The following GRM5 variants were observed in gnomAD, a reference collection of about 807,000 sequenced individuals.
GRM5 encodes metabotropic glutamate receptor 5.
Under a neutral mutation model 83.1 loss-of-function variants are expected in GRM5, and 19 were observed. That is an observed-to-expected ratio of 0.23 (90% CI 0.16 to 0.34). GRM5 has a LOEUF of 0.34. Among genes scored for constraint, GRM5 ranks in the 10% least tolerant of loss-of-function variants. The pLI, the probability that GRM5 is intolerant of heterozygous loss-of-function variation, is 1.00. For missense variants in GRM5, 1,160 were observed against 1,588.3 expected, an observed-to-expected ratio of 0.73 and a Z score of 4.58; for synonymous variants, 675 against 633.6, an observed-to-expected ratio of 1.07 and a Z score of -0.98.
intron 3 of GRM5, among the ~76,000 whole-genome samples, chr11:88,832,014 T>C (rs1944004322): frequency 6.6e-6 from 1 of 152,226 alleles, no homozygotes; most frequent in African/African-American, 2.4e-5. Context: ...TCTCAGTGGA[T>C]GTTCCTGTCT....
intron 2 of GRM5, among the ~76,000 whole-genome samples, chr11:89,016,086 C>G (rs565284216): frequency 8.6e-5 from 13 of 151,892 alleles, no homozygotes; most frequent in African/African-American, 2.9e-4. Context: ...ACACTAGATT[C>G]AAAAATTTAT....
rs1400778866 is a variant in GRM5, at chr11:88,517,094, CT to C, written c.2727-7591del. On this transcript the variant is annotated intron_variant, in intron 9 of 9. Coordinates refer to ENST00000305447, the MANE Select transcript of GRM5 (RefSeq NM_001143831.3). ...TACAGCTATTCCTGATTAATGTTTA[CT>C]TTTTTCTTACAATTGTAATATATTG... 9.7e-4 allele frequency among the ~76,000 whole-genome samples: 146 copies of C among 150,480 alleles called. 1 individual carries two copies. The highest frequency in any genetic ancestry group is 3.3e-3 in the African/African-American group (137 of 40,948).
intron 2 of GRM5, chr11:88,912,050 A>G: frequency 2.1e-6 from 1 of 468,090 alleles, no homozygotes; most frequent in South Asian, 1.6e-5. Context: ...ATTGTACAAT[A>G]CTGTAAGTAT....
At chr11:88,692,346 C>G (rs1372104477) in intron 3 of GRM5, among the ~76,000 whole-genome samples, 1 of 152,140 alleles carries the variant, frequency 6.6e-6, no homozygotes, top group Non-Finnish European at 1.5e-5. Flanking sequence ...CCAATAAAAG[C>G]TTATTGAATG....
At chr11:88,952,969 A>T (rs981244716) in intron 2 of GRM5, among the ~76,000 whole-genome samples, 2 of 152,172 alleles carry the variant, frequency 1.3e-5, no homozygotes, top group Admixed American at 1.3e-4. Context: ...ATAATGGAGG[A>T]TTTTCCCCTC....
At chr11:89,011,342 T>C (rs1226444575) in intron 2 of GRM5, among the ~76,000 whole-genome samples, 2 of 152,168 alleles carry the variant, frequency 1.3e-5, no homozygotes, top group Admixed American at 6.5e-5. Context: ...TAAGAAACAA[T>C]TTTAAAACAA....
At chr11:88,901,828 G>A (rs181273070) in intron 2 of GRM5, among the ~76,000 whole-genome samples, 3 of 152,080 alleles carry the variant, frequency 2.0e-5, no homozygotes, top group African/African-American at 4.8e-5. Flanking sequence ...CATTTTTGAC[G>A]ATACCTTTTC....
chr11:88,517,131 AC>A (rs1941542300), intron 9 of GRM5, among the ~76,000 whole-genome samples: 1 of 45,358 alleles, frequency 2.2e-5, no homozygotes, highest in Admixed American at 2.5e-4. Flanking sequence ...GCTTCTGTAC[AC>A]ACACACACAC....
intron 3 of GRM5, among the ~76,000 whole-genome samples, chr11:88,800,181 G>A (rs1943361052): frequency 6.6e-6 from 1 of 152,118 alleles, no homozygotes; most frequent in Non-Finnish European, 1.5e-5. Context: ...CACAGATGAA[G>A]AAATTGAGGC....
intron 2 of GRM5, among the ~76,000 whole-genome samples, chr11:88,938,103 C>T (rs947744992): frequency 6.6e-6 from 1 of 151,658 alleles, no homozygotes; most frequent in African/African-American, 2.4e-5. Flanking sequence ...TGTCAATTAA[C>T]TTGATTTATT....
chr11:88,875,276 C>A (rs117698513), intron 2 of GRM5, among the ~76,000 whole-genome samples: 2 of 151,900 alleles, frequency 1.3e-5, no homozygotes. Flanking sequence ...GTAGCAGATT[C>A]CATCTCAAAA....
At chr11:88,667,029 GA>G (rs1940062047) in intron 3 of GRM5, among the ~76,000 whole-genome samples, 1 of 152,088 alleles carries the variant, frequency 6.6e-6, no homozygotes, top group Non-Finnish European at 1.5e-5. Context: ...ATATTCAAGA[GA>G]ATAGATGAAA....
chr11:88,627,087 A>G (rs1405779241), intron 4 of GRM5, among the ~76,000 whole-genome samples: 1 of 152,234 alleles, frequency 6.6e-6, no homozygotes, highest in African/African-American at 2.4e-5. Flanking sequence ...TTCTCATAAT[A>G]TCTCTATCTG....
At chr11:88,972,905 G>A (rs1939211296) in intron 2 of GRM5, among the ~76,000 whole-genome samples, 1 of 152,086 alleles carries the variant, frequency 6.6e-6, no homozygotes, top group African/African-American at 2.4e-5. Context: ...CATCACTTCT[G>A]TGGTATTCTT....
intron 3 of GRM5, among the ~76,000 whole-genome samples, chr11:88,836,191 T>G (rs1045815625): frequency 6.6e-6 from 1 of 152,208 alleles, no homozygotes; most frequent in Admixed American, 6.5e-5. Context: ...AAGGGTCAGA[T>G]AGTAAATATT....
chr11:88,801,019 T>C (rs551610189), intron 3 of GRM5, among the ~76,000 whole-genome samples: 1 of 152,180 alleles, frequency 6.6e-6, no homozygotes, highest in Non-Finnish European at 1.5e-5. Context: ...AAATGCTATA[T>C]GCTTCAGGTA....
intron 1 of GRM5, among the ~76,000 whole-genome samples, chr11:89,056,648 G>GTATCTA (rs1941881080): frequency 6.6e-6 from 1 of 152,092 alleles, no homozygotes; most frequent in Non-Finnish European, 1.5e-5. Flanking sequence ...AAATAAAGGG[G>GTATCTA]CAGGTTTATC....
chr11:88,536,568 G>A (rs1255049315), intron 8 of GRM5, among the ~76,000 whole-genome samples: 1 of 152,136 alleles, frequency 6.6e-6, no homozygotes, highest in Non-Finnish European at 1.5e-5. Flanking sequence ...CCAACACAAA[G>A]CTTTATAACA....
At chr11:88,804,057 G>A (rs2135489698) in intron 3 of GRM5, among the ~76,000 whole-genome samples, 1 of 152,186 alleles carries the variant, frequency 6.6e-6, no homozygotes, top group Non-Finnish European at 1.5e-5. Flanking sequence ...AGAGGATGTG[G>A]AGAAATAGGA....
Sources: allele counts gnomAD v4.1 joint callset (sites outside exome capture counted in the v4.1 genomes callset), GRCh38; gene constraint gnomAD v4.1.1; transcripts MANE v1.5; gene names NCBI Gene and HGNC (gene_info 2026-07-23, HGNC 2026-07-21).